Variants in PALLD observed in about 807,000 individuals in gnomAD.
PALLD encodes the protein palladin, cytoskeletal associated protein.
In PALLD, 61 loss-of-function variants were observed where a neutral mutation model predicts 123.5. That is an observed-to-expected ratio of 0.49 (90% confidence interval 0.40 to 0.61). The LOEUF is 0.61. Among genes scored for constraint, PALLD ranks in the 20% least tolerant of loss-of-function variants. PALLD has a pLI of 0.00. For missense variants in PALLD, 1,273 were observed against 1,377.0 expected, an observed-to-expected ratio of 0.92 and a Z score of 1.20; for synonymous variants, 465 against 496.4, an observed-to-expected ratio of 0.94 and a Z score of 0.84.
chr4:168,702,874 TTTTA>T (rs1300257515), intron 8 of PALLD, among the ~76,000 whole-genome samples: 42 of 141,256 alleles, frequency 3.0e-4, no homozygotes, highest in African/African-American at 5.1e-4. Context: ...TTTGTTTTTA[TTTTA>T]TTTATTTATT....
chr4:168,878,679 T>G (rs1752181937), intron 10 of PALLD, among the ~76,000 whole-genome samples: 1 of 50,972 alleles, frequency 2.0e-5, no homozygotes, highest in African/African-American at 5.2e-5. Context: ...CTCTTAATCA[T>G]TATGGGGGGG....
intron 10 of PALLD, among the ~76,000 whole-genome samples, chr4:168,816,407 A>AT (rs975657048): frequency 3.7e-5 from 5 of 135,634 alleles, no homozygotes; most frequent in African/African-American, 1.5e-4. Context: ...ATATATATAT[A>AT]TATATATTTT....
chr4:168,670,263 A>T (rs1049308181), intron 3 of PALLD, among the ~76,000 whole-genome samples: 68 of 152,330 alleles, frequency 4.5e-4, no homozygotes, highest in African/African-American at 1.5e-3. Flanking sequence ...CTTTCATACT[A>T]CAAATATTAA....
intron 10 of PALLD, among the ~76,000 whole-genome samples, chr4:168,754,703 T>G (rs1731536980): frequency 6.6e-6 from 1 of 152,124 alleles, no homozygotes; most frequent in Non-Finnish European, 1.5e-5. Context: ...CTATTCTGTG[T>G]TTGGCTCCAA....
At chr4:168,588,959 A>C (rs1298853062) in intron 2 of PALLD, among the ~76,000 whole-genome samples, 1 of 152,204 alleles carries the variant, frequency 6.6e-6, no homozygotes, top group Non-Finnish European at 1.5e-5. Flanking sequence ...TGGAAATTTC[A>C]TCTGTTCCTT....
At chr4:168,764,516 C>CA (rs1323965680) in intron 10 of PALLD, among the ~76,000 whole-genome samples, 1 of 152,036 alleles carries the variant, frequency 6.6e-6, no homozygotes, top group African/African-American at 2.4e-5. Flanking sequence ...TTCCTGGGCT[C>CA]AAGAGATTCT....
chr4:168,920,483 A>C (rs1761240427), intron 17 of PALLD, among the ~76,000 whole-genome samples: 1 of 152,134 alleles, frequency 6.6e-6, no homozygotes, highest in Admixed American at 6.5e-5. Context: ...TTTTGTATAT[A>C]ACTTCGTACT....
intron 10 of PALLD, among the ~76,000 whole-genome samples, chr4:168,796,154 A>G (rs1738469440): frequency 6.6e-6 from 1 of 151,838 alleles, no homozygotes. Flanking sequence ...TCATTCTTCT[A>G]TTTTTTTGTA....
At chr4:168,550,565 G>C (rs992134422) in intron 2 of PALLD, among the ~76,000 whole-genome samples, 2 of 138,724 alleles carry the variant, frequency 1.4e-5, no homozygotes, top group Non-Finnish European at 3.3e-5. Context: ...AGATATTTAT[G>C]AGCTTCTAAA....
At chr4:168,793,948 T>A (rs1738011963) in intron 10 of PALLD, among the ~76,000 whole-genome samples, 1 of 152,162 alleles carries the variant, frequency 6.6e-6, no homozygotes, top group Non-Finnish European at 1.5e-5. Context: ...CCTCACACTA[T>A]TCCAGGAAGG....
rs1379895529 is a variant in PALLD, at chr4:168,668,328, C to T, written c.1047C>T (p.Pro349=). 1.2e-6 allele frequency: 2 copies of T among 1,612,556 alleles called. No individual in the cohort carries two copies. The highest frequency in any genetic ancestry group is 2.2e-5 in the East Asian group (1 of 44,848). Residue 349 remains proline, a synonymous_variant, in exon 3 of 22, where the codon CCC becomes CCT. Coordinates refer to ENST00000505667, the MANE Select transcript of PALLD (RefSeq NM_001166108.2). ...GCTACACCTGTTTGGCTACGAATCC[C>T]AGCGGCTCAGACACAACATCTGCTG... ...TGRYTCLATN[P]SGSDTTSAEV...
chr4:168,891,148 C>A, intron 11 of PALLD, 91 bp downstream of exon 11: 2 of 1,260,066 alleles, frequency 1.6e-6, no homozygotes, highest in Non-Finnish European at 2.3e-6. Flanking sequence ...GATATTTGTC[C>A]ACAACATCAT....
intron 10 of PALLD, among the ~76,000 whole-genome samples, chr4:168,793,831 T>C (rs1320681997): frequency 6.6e-6 from 1 of 152,192 alleles, no homozygotes; most frequent in Admixed American, 6.5e-5. Context: ...AGCTTTCAGA[T>C]AGAAGTCTTC....
chr4:168,639,609 T>C (rs1776704378), intron 2 of PALLD, among the ~76,000 whole-genome samples: 1 of 151,576 alleles, frequency 6.6e-6, no homozygotes, highest in Non-Finnish European at 1.5e-5. Flanking sequence ...AGTGGTGTGA[T>C]CTTGGCTCAC....
intron 2 of PALLD, among the ~76,000 whole-genome samples, chr4:168,612,134 T>G (rs1773790922): frequency 6.6e-6 from 1 of 151,910 alleles, no homozygotes; most frequent in Non-Finnish European, 1.5e-5. Flanking sequence ...CACTCCAGCC[T>G]GGGTGACGAA....
intron 10 of PALLD, among the ~76,000 whole-genome samples, chr4:168,834,299 TA>T (rs1315754452): frequency 2.6e-5 from 4 of 152,142 alleles, no homozygotes; most frequent in Admixed American, 1.3e-4. Flanking sequence ...TTAAATAATG[TA>T]ATAACGACAG....
chr4:168,928,305 G>GCCA lies in PALLD; in HGVS notation c.*2128_*2130dup, dbSNP rs557921336. The GCCA allele has an allele frequency of 1.2e-5, 2 of 167,832 alleles. No individual in the cohort carries two copies. The highest frequency in any genetic ancestry group is 5.1e-5 in the African/African-American group (2 of 39,544). The allele number at this position is 167,832 out of a possible 1,614,324, so 10.4% of individuals were successfully genotyped here. On this transcript the variant is annotated 3_prime_UTR_variant, in exon 22 of 22. Coordinates refer to ENST00000505667, the MANE Select transcript of PALLD (RefSeq NM_001166108.2). ...GTTTGGGATTAACTAGCATTATTTT[G>GCCA]CCACCTTTATATTGTATTTATAAAA... is the stretch of plus-strand genomic sequence containing the variant.
At chr4:168,625,980 G>A (rs1389502035) in intron 2 of PALLD, among the ~76,000 whole-genome samples, 8 of 152,176 alleles carry the variant, frequency 5.3e-5, no homozygotes, top group Admixed American at 3.9e-4. Context: ...CTACTGTTGG[G>A]CTAATAGATA....
intron 2 of PALLD, among the ~76,000 whole-genome samples, chr4:168,651,790 A>T (rs1368914974): frequency 6.6e-6 from 1 of 152,196 alleles, no homozygotes; most frequent in African/African-American, 2.4e-5. Context: ...GAAAAATGAG[A>T]GGTTATAACC....
Sources: gnomAD v4.1 joint callset for allele counts (sites outside exome capture counted in the v4.1 genomes callset) on GRCh38, gnomAD v4.1.1 for gene constraint, MANE v1.5 for transcripts, NCBI Gene and HGNC (gene_info 2026-07-23, HGNC 2026-07-21) for gene names.